Variants in FHIT observed in about 807,000 individuals in gnomAD.
The protein encoded by FHIT is fragile histidine triad diadenosine triphosphatase.
In FHIT, 19 loss-of-function variants were observed where a neutral mutation model predicts 17.9. The observed-to-expected ratio is 1.06, with a 90% CI of 0.74 to 1.56. The LOEUF (loss-of-function observed/expected upper bound fraction) is 1.56. Among genes scored for constraint, FHIT ranks in the 40% most tolerant of loss-of-function variants. The pLI is 0.00. For synonymous variants in FHIT, 81 were observed against 69.7 expected (o/e 1.16, Z -0.81); for missense variants, 248 against 189.2 (o/e 1.31, Z -1.82).
At chr3:60,236,431 A>G (rs1704799624) in intron 5 of FHIT, among the ~76,000 whole-genome samples, 1 of 151,890 alleles carries the variant, frequency 6.6e-6, no homozygotes, top group African/African-American at 2.4e-5. Flanking sequence ...GTTTGCTTCA[A>G]ATCCCCACTA....
At chr3:59,811,916 C>T (rs1460113161) in intron 8 of FHIT, among the ~76,000 whole-genome samples, 2 of 152,210 alleles carry the variant, frequency 1.3e-5, no homozygotes, top group Non-Finnish European at 1.5e-5. Context: ...CCCACAGCCT[C>T]ACAGGCCCAG....
intron 2 of FHIT, among the ~76,000 whole-genome samples, chr3:61,127,574 G>C (rs1335124132): frequency 1.3e-5 from 2 of 152,230 alleles, no homozygotes; most frequent in Non-Finnish European, 1.5e-5. Context: ...TTCCTCTTAA[G>C]AGTAACTTGG....
At chr3:60,386,346 T>C (rs902034553) in intron 5 of FHIT, among the ~76,000 whole-genome samples, 11 of 152,092 alleles carry the variant, frequency 7.2e-5, no homozygotes, top group African/African-American at 1.9e-4. Context: ...GGCAGCACAT[T>C]TGAGGGATTC....
At chr3:60,014,266 T>A in intron 5 of FHIT, 114 bp from the exon 6 acceptor site, 1 of 993,496 alleles carries the variant, frequency 1.0e-6, no homozygotes, top group Non-Finnish European at 1.5e-6. Context: ...TCTCAAAGAC[T>A]AAGGAATGAA....
At chr3:60,451,390 C>G (rs544294294) in intron 5 of FHIT, among the ~76,000 whole-genome samples, 3 of 152,170 alleles carry the variant, frequency 2.0e-5, no homozygotes, top group South Asian at 4.2e-4. Flanking sequence ...TTCTGAACAT[C>G]CCCCCACTTC....
At chr3:61,122,203 C>T (rs536490841) in intron 2 of FHIT, among the ~76,000 whole-genome samples, 12 of 152,278 alleles carry the variant, frequency 7.9e-5, no homozygotes, top group African/African-American at 1.2e-4. Flanking sequence ...TAATACCACA[C>T]ATCTACAACC....
At chr3:60,307,139 G>A (rs1213147969) in intron 5 of FHIT, among the ~76,000 whole-genome samples, 1 of 152,096 alleles carries the variant, frequency 6.6e-6, no homozygotes, top group South Asian at 2.1e-4. Context: ...ATGCAGACAC[G>A]CTGACTGCAA....
In FHIT at chr3:59,874,984, T is replaced by C. The variant is rs905805610; in HGVS notation, c.348+47362A>G. 2.0e-5 allele frequency among the ~76,000 whole-genome samples: 3 copies of C among 152,248 alleles called. No individual in the cohort carries two copies. The South Asian group carries it at 6.2e-4, about 31-fold the overall frequency. On this transcript the variant is annotated intron_variant, in intron 8 of 9. Coordinates refer to ENST00000492590, the MANE Select transcript of FHIT (RefSeq NM_002012.4). ...TAGAAGCATCTCCTATTTCGGCAAGTGCTTCCCTTTTTGACTCTGATCCAT... is the reference window on the plus strand; with the variant it reads ...TAGAAGCATCTCCTATTTCGGCAAGCGCTTCCCTTTTTGACTCTGATCCAT...
At chr3:60,715,616 T>A (rs1405373731) in intron 4 of FHIT, among the ~76,000 whole-genome samples, 2 of 107,866 alleles carry the variant, frequency 1.9e-5, no homozygotes, top group East Asian at 2.9e-4. Context: ...CTCTGGGGAC[T>A]GTTGTGGGGT....
intron 4 of FHIT, among the ~76,000 whole-genome samples, chr3:60,548,964 G>C (rs181309653): frequency 6.6e-6 from 1 of 152,210 alleles, no homozygotes; most frequent in Non-Finnish European, 1.5e-5. Context: ...ATGAACTCAG[G>C]CAAGTTCCTT....
chr3:59,826,561 G>T (rs1700985745), intron 8 of FHIT, among the ~76,000 whole-genome samples: 1 of 152,218 alleles, frequency 6.6e-6, no homozygotes, highest in Non-Finnish European at 1.5e-5. Context: ...AAGGCTTCTT[G>T]GGGAAATGAC....
chr3:60,184,418 A>G (rs1465313197), intron 5 of FHIT, among the ~76,000 whole-genome samples: 1 of 152,134 alleles, frequency 6.6e-6, no homozygotes, highest in Non-Finnish European at 1.5e-5. Context: ...TGACCTTAAT[A>G]GTACTGAGGC....
intron 3 of FHIT, among the ~76,000 whole-genome samples, chr3:61,018,486 G>A (rs1437316339): frequency 6.6e-6 from 1 of 152,154 alleles, no homozygotes; most frequent in Non-Finnish European, 1.5e-5. Flanking sequence ...GTTTTCCTAA[G>A]TTTGACCCCA....
chr3:60,586,690 CA>C (rs1425164708), intron 4 of FHIT, among the ~76,000 whole-genome samples: 14 of 151,834 alleles, frequency 9.2e-5, no homozygotes, highest in Non-Finnish European at 1.8e-4. Context: ...ACGTCTTTTG[CA>C]GAAATGTGGA....
Position 61,063,255 on chromosome 3 carries a change from C to CAAAAAAAAAAAAA in FHIT, c.-163-21157_-163-21156insTTTTTTTTTTTTT, listed in dbSNP as rs371077056. On this transcript the variant is annotated intron_variant, in intron 2 of 9. Transcript: ENST00000492590. ...TGAGCGACAGAGCGAGACTCTGTCT[C>CAAAAAAAAAAAAA]AAAAAAAAAAAAGATTAGTTTTAAG... Among the ~76,000 whole-genome samples, 141 of 95,856 alleles carry CAAAAAAAAAAAAA rather than the reference C, an allele frequency of 1.5e-3. 11 individuals are homozygous for CAAAAAAAAAAAAA. The highest frequency in any genetic ancestry group is 4.7e-3 in the African/African-American group (125 of 26,502). 62.9% of individuals were successfully genotyped at this position (95,856 alleles called of 152,430 possible).
At position 60,669,564 on chromosome 3, in the gene FHIT, G is replaced by A. The variant is rs9819146; in HGVS notation, c.-17-132585C>T. 6.7e-3 allele frequency among the ~76,000 whole-genome samples: 1,017 copies of A among 152,078 alleles called. 17 individuals are homozygous for A. The highest frequency in any genetic ancestry group is 0.023 in the African/African-American group (954 of 41,514). On this transcript the variant is annotated intron_variant, in intron 4 of 9. Coordinates refer to ENST00000492590, the MANE Select transcript of FHIT (RefSeq NM_002012.4). ...TTTCAAGCATCCAAGATAGGAAGTA[G>A]GGGAACATGATGAATTTTCTTTTCT...
chr3:59,836,268 A>G (rs1028959482), intron 8 of FHIT, among the ~76,000 whole-genome samples: 2 of 152,198 alleles, frequency 1.3e-5, no homozygotes, highest in African/African-American at 4.8e-5. Flanking sequence ...GCACGATTCC[A>G]TACTGTTAGG....
intron 5 of FHIT, among the ~76,000 whole-genome samples, chr3:60,122,122 G>A (rs1332552084): frequency 1.4e-5 from 2 of 144,972 alleles, no homozygotes; most frequent in African/African-American, 2.6e-5. Context: ...AAAAAAAAAC[G>A]CCTAGAGATA....
intron 3 of FHIT, among the ~76,000 whole-genome samples, chr3:60,827,718 TA>T (rs1191423679): frequency 3.9e-5 from 6 of 152,240 alleles, no homozygotes; most frequent in Admixed American, 6.5e-5. Context: ...GGCGTTCAGC[TA>T]GGGAGCTGTG....
Sources: gnomAD v4.1 joint callset for allele counts (sites outside exome capture counted in the v4.1 genomes callset) on GRCh38, gnomAD v4.1.1 for gene constraint, MANE v1.5 for transcripts, NCBI Gene and HGNC (gene_info 2026-07-23, HGNC 2026-07-21) for gene names.